The following VPS13D variants were observed in gnomAD, a reference collection of about 807,000 sequenced individuals.
The protein encoded by VPS13D is vacuolar protein sorting 13 homolog D, also known as intermembrane lipid transfer protein VPS13D.
In VPS13D, 187 loss-of-function variants were observed where a neutral mutation model predicts 461.9. That is an observed-to-expected ratio of 0.40 (90% CI 0.36 to 0.46). The LOEUF (loss-of-function observed/expected upper bound fraction) is 0.46. Among genes scored for constraint, VPS13D ranks in the 20% least tolerant of loss-of-function variants. VPS13D has a pLI of 0.60. For synonymous variants in VPS13D, 1,951 were observed against 1,986.3 expected, an observed-to-expected ratio of 0.98 and a Z score of 0.47; for missense variants, 4,711 against 5,364.9, an observed-to-expected ratio of 0.88 and a Z score of 3.81.
intron 2 of VPS13D, among the ~76,000 whole-genome samples, chr1:12,236,175 CA>C (rs1200407237): frequency 1.3e-5 from 2 of 151,888 alleles, no homozygotes; most frequent in East Asian, 3.9e-4. Context: ...CAGGGTAGAA[CA>C]ATGCTTTTTC....
At chr1:12,471,108 C>G (rs1317019109) in intron 67 of VPS13D, among the ~76,000 whole-genome samples, 1 of 152,128 alleles carries the variant, frequency 6.6e-6, no homozygotes, top group Non-Finnish European at 1.5e-5. Context: ...CAAGACTAGC[C>G]TGGCCAACAT....
intron 54 of VPS13D, among the ~76,000 whole-genome samples, chr1:12,372,800 CTTTT>C (rs764284126): frequency 1.6e-5 from 2 of 126,760 alleles, no homozygotes. Context: ...AATCCATTAC[CTTTT>C]TTTTTTTTTT....
intron 13 of VPS13D, among the ~76,000 whole-genome samples, chr1:12,263,960 A>G (rs1344349982): frequency 1.3e-5 from 2 of 152,218 alleles, no homozygotes; most frequent in African/African-American, 4.8e-5. Context: ...GAGCAAGTCT[A>G]TAGGTGCCAT....
chr1:12,497,988 G>A (rs1014838718), intron 68 of VPS13D, among the ~76,000 whole-genome samples: 7 of 152,016 alleles, frequency 4.6e-5, no homozygotes, highest in Non-Finnish European at 8.8e-5. Flanking sequence ...CATTTTTGCC[G>A]CAGAATGCTA....
rs749682179 is a variant in VPS13D at position 12,266,923 on chromosome 1, C to G, written c.1637C>G (p.Ser546Trp). 2 of 1,604,946 alleles carry G rather than the reference C, an allele frequency of 1.2e-6. No homozygotes were observed. Among genetic ancestry groups the G allele is most frequent in the Non-Finnish European group, 1.7e-6 (2 of 1,177,390 alleles). Residue 546 changes from serine (S) to tryptophan (W), a missense_variant, in exon 14 of 70, where the codon TCG (serine) becomes TGG (tryptophan). Physicochemically the swap from Ser to Trp is radical, Grantham distance 177. Coordinates refer to ENST00000620676, the MANE Select transcript of VPS13D (RefSeq NM_015378.4). ...GAGTCTCTTCCTCGAAGAAATTCCT[C>G]GTTGCTTTCAGTCCGGTTGGGTGGA... ...LAESLPRRNS[S>W]LLSVRLGGLF... is the part of the protein sequence containing the mutation.
intron 20 of VPS13D, among the ~76,000 whole-genome samples, chr1:12,281,889 ATT>A (rs112034910): frequency 7.6e-5 from 11 of 144,144 alleles, no homozygotes; most frequent in Admixed American, 1.4e-4. Context: ...TTGCCTGAAA[ATT>A]TTTTTTTTTT....
rs746757160 is a variant in VPS13D at position 12,510,323 on chromosome 1, A to C, written c.*1299A>C. 1 of 152,144 alleles carries C rather than the reference A, an allele frequency of 6.6e-6. No individual in the cohort carries two copies. Among genetic ancestry groups the C allele is most frequent in the African/African-American group, 2.4e-5 (1 of 41,440 alleles). The allele number at this position is 152,144 out of a possible 1,614,324, so 9.4% of individuals were successfully genotyped here. On this transcript the variant is annotated 3_prime_UTR_variant, in exon 70 of 70. Transcript: ENST00000620676. The stretch of plus-strand genomic sequence containing the variant: ...TTTAGAATGAATGAGTCACCTTGTG[A>C]TTTTTAAATTTTTATTTTAATAAAG...
Position 12,293,602 on chromosome 1 carries a change from G to A in VPS13D, c.5931G>A (p.Val1977=). ...VSLRMASVQY[V]HTQRFQAEVV... ...TCCGGATGGCCTCTGTGCAGTATGT[G>A]CATACTCAGCGTTTCCAGGCAGAGG... Residue 1977 remains valine (V), a synonymous_variant, in exon 24 of 70, where the codon GTG becomes GTA. Transcript: ENST00000620676. 1.2e-6 allele frequency: 2 copies of A among 1,614,144 alleles called. No individual in the cohort carries two copies. The highest frequency in any genetic ancestry group is 8.5e-7 in the Non-Finnish European group (1 of 1,180,008).
chr1:12,490,305 A>C (rs1210965482), intron 67 of VPS13D, among the ~76,000 whole-genome samples: 1 of 152,212 alleles, frequency 6.6e-6, no homozygotes. Flanking sequence ...CCATGTGTCC[A>C]AAATCCAAAT....
Position 12,256,375 on chromosome 1 carries a change from G to A in VPS13D, c.712G>A (p.Val238Ile), listed in dbSNP as rs116668522. ...RSMESRSHHYVLEPVFASALL... is the reference protein window; with the variant it reads ...RSMESRSHHYILEPVFASALL... ...CATGGAGAGTCGCAGCCATCACTAC[G>A]TCCTGGAGCCTGTGTTTGCATCTGC... The change falls in exon 8 of 70, where the codon GTC becomes ATC. Residue 238 changes from valine to isoleucine, a missense_variant. Val to Ile is a conservative substitution (Grantham distance 29). Around this residue, in one of 3 missense-constraint regions of VPS13D, gnomAD observed 4,411 missense variants for 4,937.8 expected, o/e 0.89. Transcript: ENST00000620676. 1.1e-3 allele frequency: 1,711 copies of A among 1,614,044 alleles called. 11 individuals carry two copies. The African/African-American group carries it at 0.017, about 16-fold the overall frequency.
In VPS13D at chr1:12,505,660, A is replaced by AT. The variant is rs1646095392; in HGVS notation, c.12795-1192dup. Reference sequence around the variant, plus strand: ...GACTTATCCAGGACATGTGGAAAGAATGAGTTTGTGCTTGGCCATGCTTTG... The same window carrying AT: ...GACTTATCCAGGACATGTGGAAAGAATTGAGTTTGTGCTTGGCCATGCTTTG... On this transcript the variant is annotated intron_variant, in intron 68 of 69. Coordinates refer to ENST00000620676, the MANE Select transcript of VPS13D (RefSeq NM_015378.4). The surrounding 1 kb of genome is among the most constrained non-coding windows in gnomAD (Gnocchi z 4.2). Among the ~76,000 whole-genome samples the AT allele has an allele frequency of 6.6e-6, 1 of 152,234 alleles. No homozygotes were observed. Among genetic ancestry groups the AT allele is most frequent in the South Asian group, 2.1e-4 (1 of 4,832 alleles).
intron 49 of VPS13D, 83 bp from the exon 50 acceptor site, chr1:12,358,376 T>C: frequency 6.5e-7 from 1 of 1,547,118 alleles, no homozygotes; most frequent in Non-Finnish European, 8.8e-7. Flanking sequence ...GGGTGATAAC[T>C]GTATTAGTGT....
chr1:12,268,340 A>G (rs1415507370), intron 15 of VPS13D, among the ~76,000 whole-genome samples: 3 of 151,266 alleles, frequency 2.0e-5, no homozygotes, highest in South Asian at 4.2e-4. Context: ...ATCAGTAGTA[A>G]AAGAGGGAAT....
chr1:12,431,068 A>C (rs1490192921), intron 65 of VPS13D, among the ~76,000 whole-genome samples: 1 of 152,242 alleles, frequency 6.6e-6, no homozygotes, highest in East Asian at 1.9e-4. Flanking sequence ...TAAAAACATA[A>C]CAGTGAACTG....
chr1:12,284,622 G>A (rs1168224128), intron 21 of VPS13D, among the ~76,000 whole-genome samples: 3 of 152,174 alleles, frequency 2.0e-5, no homozygotes, highest in Admixed American at 6.5e-5. Flanking sequence ...CTGGAACCCC[G>A]GCCGTGGCTG....
In VPS13D at chr1:12,333,048, G is replaced by A. The variant is rs1478361666; in HGVS notation, c.8288-178G>A. Among the ~76,000 whole-genome samples, 5 of 152,230 alleles carry A rather than the reference G, an allele frequency of 3.3e-5. No homozygotes were observed. In the South Asian group the frequency reaches 6.2e-4, roughly 19 times the overall value. The stretch of plus-strand genomic sequence containing the variant: ...TTTCCACTTGTGTCTTCTGGACAAC[G>A]CAGACATCTGTAGGGTGACCTGTAG... On this transcript the variant is annotated intron_variant, in intron 37 of 69. Transcript: ENST00000620676.
intron 68 of VPS13D, among the ~76,000 whole-genome samples, chr1:12,498,379 G>A (rs1645989040): frequency 6.6e-6 from 1 of 152,174 alleles, no homozygotes; most frequent in South Asian, 2.1e-4. Flanking sequence ...TTCGGTGGGT[G>A]GAGGAATGTC....
At chr1:12,278,204 G>T (rs1398494026) in intron 19 of VPS13D, among the ~76,000 whole-genome samples, 166 bp downstream of exon 19, 1 of 152,148 alleles carries the variant, frequency 6.6e-6, no homozygotes, top group Non-Finnish European at 1.5e-5. Context: ...TAGTAGGTTG[G>T]CATGTTTTCA....
intron 67 of VPS13D, among the ~76,000 whole-genome samples, chr1:12,481,661 G>C (rs1645719064): frequency 1.3e-5 from 2 of 152,178 alleles, no homozygotes; most frequent in African/African-American, 4.8e-5. Flanking sequence ...TTTCAAGGGG[G>C]ATGGGGAAAG....
Sources: gnomAD v4.1 joint callset for allele counts (sites outside exome capture counted in the v4.1 genomes callset) on GRCh38, gnomAD v4.1.1 for gene constraint, gnomAD v4.1.1 regional missense constraint, Gnocchi (gnomAD v3.1) non-coding constraint, MANE v1.5 for transcripts, NCBI Gene and HGNC (gene_info 2026-07-23, HGNC 2026-07-21) for gene names.